ERI2: variants seen among roughly 807,000 people sequenced by gnomAD.
The protein encoded by ERI2 is ERI1 exoribonuclease family member 2.
Under a neutral mutation model 46.8 loss-of-function variants are expected in ERI2, and 35 were observed. The ratio of observed to expected loss-of-function variants is 0.75; its 90% confidence interval spans 0.57 to 0.99. The LOEUF (loss-of-function observed/expected upper bound fraction) is 0.99, where lower values mean the gene tolerates loss of function less well. ERI2 is among the 50% of genes least tolerant of loss of function. ERI2 has a pLI of 0.00. For synonymous variants in ERI2, 224 were observed against 271.0 expected (o/e 0.83, Z 1.70); for missense variants, 695 against 796.2 (o/e 0.87, Z 1.53).
At chr16:20,806,226 C>T in intron 1 of ERI2, 182 bp downstream of exon 1, 1 of 1,413,122 alleles carries the variant, frequency 7.1e-7, no homozygotes, top group African/African-American at 1.5e-5. Context: ...TGGCCCAAGG[C>T]TGAAGACCGA....
In ERI2 at chr16:20,796,876, A is replaced by G; in HGVS notation, c.*848T>C. ...TTCCAGGCTAATTTTCTTCCCCTTG[A>G]TGCCAACAGGTAGAATTTATTCAAG... On this transcript the variant is annotated 3_prime_UTR_variant, in exon 9 of 9. Coordinates refer to ENST00000357967, the MANE Select transcript of ERI2 (RefSeq NM_001142725.2). 6.2e-7 allele frequency: 1 copy of G among 1,610,710 alleles called. No homozygotes were observed. The highest frequency in any genetic ancestry group is 8.5e-7 in the Non-Finnish European group (1 of 1,179,058).
chr16:20,781,068 ATCCAGG>A, intron 10 of ERI2: 1 of 1,614,142 alleles, frequency 6.2e-7, no homozygotes, highest in Non-Finnish European at 8.5e-7. Context: ...TTCTCCGTGG[ATCCAGG>A]GAGCATGTGT....
intron 10 of ERI2, chr16:20,784,922 C>T (rs1452207727): frequency 1.3e-6 from 2 of 1,543,158 alleles, no homozygotes; most frequent in Middle Eastern, 3.5e-4. Context: ...AAGAAATAAT[C>T]CTTAATCTTC....
downstream of ERI2, among the ~76,000 whole-genome samples, chr16:20,793,556 G>T (rs183228324): frequency 6.6e-6 from 1 of 152,122 alleles, no homozygotes; most frequent in African/African-American, 2.4e-5. Flanking sequence ...CCCCAGGACT[G>T]ATTCCCCTAA....
intron 10 of ERI2, chr16:20,781,648 A>T: frequency 8.0e-7 from 1 of 1,247,946 alleles, no homozygotes; most frequent in Non-Finnish European, 1.2e-6. Context: ...TCAACCAAAG[A>T]CATTTAAGCA....
At chr16:20,804,805 C>T (rs1413512465) in intron 1 of ERI2, among the ~76,000 whole-genome samples, 1 of 152,120 alleles carries the variant, frequency 6.6e-6, no homozygotes, top group Non-Finnish European at 1.5e-5. Flanking sequence ...TCTGTGTTTG[C>T]TAAGAGTGGG....
intron 10 of ERI2, chr16:20,786,057 CT>C (rs897404223): frequency 6.8e-6 from 10 of 1,464,194 alleles, no homozygotes; most frequent in African/African-American, 2.9e-5. Flanking sequence ...TGTTATCTTA[CT>C]TTTTCTTCTT....
chr16:20,784,278 G>A (rs1291785554), intron 10 of ERI2, among the ~76,000 whole-genome samples: 3 of 152,100 alleles, frequency 2.0e-5, no homozygotes, highest in Non-Finnish European at 4.4e-5. Context: ...CAATTCCTCA[G>A]TTATACTAGT....
downstream of ERI2, among the ~76,000 whole-genome samples, chr16:20,793,668 G>A (rs1486641289): frequency 6.6e-6 from 1 of 152,156 alleles, no homozygotes; most frequent in African/African-American, 2.4e-5. Context: ...TTGTCAAGTT[G>A]CTAGGATGAC....
intron 1 of ERI2, chr16:20,805,603 T>C (rs566338779): frequency 2.0e-5 from 3 of 153,000 alleles, no homozygotes; most frequent in African/African-American, 7.2e-5. Context: ...ATGTACTTTA[T>C]GTTCTTAGCT....
At chr16:20,792,479 A>C (rs779440718), downstream of ERI2, 4 of 1,489,944 alleles carry the variant, frequency 2.7e-6, no homozygotes, top group Non-Finnish European at 2.7e-6. Context: ...GTCAGAAAGA[A>C]CTGCTACAAA....
intron 10 of ERI2, chr16:20,785,024 G>T: frequency 6.2e-7 from 1 of 1,613,680 alleles, no homozygotes; most frequent in Non-Finnish European, 8.5e-7. Flanking sequence ...GAGTGCTGGG[G>T]AACCAATTAC....
intron 10 of ERI2, among the ~76,000 whole-genome samples, chr16:20,782,428 TTA>T (rs1444926111): frequency 6.6e-6 from 1 of 152,154 alleles, no homozygotes; most frequent in Non-Finnish European, 1.5e-5. Flanking sequence ...CCAAAGTCCA[TTA>T]TATCATTCTT....
chr16:20,796,834 T>A lies in ERI2; in HGVS notation c.*890A>T. On this transcript the variant is annotated 3_prime_UTR_variant, in exon 9 of 9. Transcript: ENST00000357967. The stretch of plus-strand genomic sequence containing the variant: ...AATCAAACTGCTATATAATTGGCTT[T>A]ATGTAAAGATAAAAATTTCCAGGCT... The A allele has an allele frequency of 1.2e-6, 2 of 1,605,096 alleles. No homozygotes were observed. The highest frequency in any genetic ancestry group is 1.7e-6 in the Non-Finnish European group (2 of 1,177,622).
At chr16:20,785,078 A>G (rs1330917730) in intron 10 of ERI2, 1 of 1,613,610 alleles carries the variant, frequency 6.2e-7, no homozygotes, top group South Asian at 1.1e-5. Context: ...GGGCCTGGAT[A>G]TCTACGAAGG....
At chr16:20,805,402 G>A (rs2152496576) in intron 1 of ERI2, among the ~76,000 whole-genome samples, 1 of 144,146 alleles carries the variant, frequency 6.9e-6, no homozygotes, top group Non-Finnish European at 1.5e-5. Flanking sequence ...TCTAGCCTAG[G>A]CAACAAAACT....
In ERI2 at chr16:20,790,536, T is replaced by C; in HGVS notation, c.815+314A>G. On this transcript the variant is annotated intron_variant, in intron 9 of 10. Coordinates refer to the ERI2 transcript ENST00000300005. This position sits in a 1 kb window ranked among gnomAD's most constrained non-coding sequence, Gnocchi z 4.0. ...AAACTTGCAAAGTTAATATTTAAGC[T>C]GCGACATTAAACAAAAATTTCCTTA... 1 of 1,518,916 alleles carries C rather than the reference T, an allele frequency of 6.6e-7. No homozygotes were observed. The highest frequency in any genetic ancestry group is 9.1e-7 in the Non-Finnish European group (1 of 1,102,904). The allele number at this position is 1,518,916 out of a possible 1,614,324, so 94.1% of individuals were successfully genotyped here. A position where few individuals can be genotyped will look rare whatever the true frequency, so the allele number is the denominator to read the frequency against.
chr16:20,804,214 T>C (rs1371315161), intron 1 of ERI2, among the ~76,000 whole-genome samples: 1 of 152,136 alleles, frequency 6.6e-6, no homozygotes, highest in Admixed American at 6.6e-5. Flanking sequence ...TCATTTGAGT[T>C]CCTACAATCA....
At position 20,800,068 on chromosome 16, in the gene ERI2, G is replaced by A. The variant is rs1486078057; in HGVS notation, c.562-30C>T. Reference sequence around the variant, plus strand: ...CCAATAAAAAAAGATATATTTAAAAGAAGATTACTATTTTAAAGACTATGT... The same window carrying A: ...CCAATAAAAAAAGATATATTTAAAAAAAGATTACTATTTTAAAGACTATGT... On this transcript the variant is annotated intron_variant, in intron 6 of 8. Transcript: ENST00000357967. 9 of 1,341,488 alleles carry A rather than the reference G, an allele frequency of 6.7e-6. 1 individual carries two copies. The highest frequency in any genetic ancestry group is 9.5e-6 in the Non-Finnish European group (9 of 950,296). The allele number at this position is 1,341,488 out of a possible 1,614,324, so 83.1% of individuals were successfully genotyped here.
Sources: allele counts gnomAD v4.1 joint callset (sites outside exome capture counted in the v4.1 genomes callset), GRCh38; gene constraint gnomAD v4.1.1; non-coding constraint Gnocchi (gnomAD v3.1); transcripts MANE v1.5; gene names NCBI Gene and HGNC (gene_info 2026-07-23, HGNC 2026-07-21).